Variants in PRR16 observed in about 807,000 individuals in gnomAD.
PRR16 encodes proline rich 16, also known as protein Largen.
In PRR16, 6 loss-of-function variants were observed where a neutral mutation model predicts 18.2. The observed-to-expected ratio is 0.33, with a 90% CI of 0.18 to 0.65. PRR16 has a LOEUF of 0.65. Among genes scored for constraint, PRR16 ranks in the 30% least tolerant of loss-of-function variants. The pLI is 0.74. For synonymous variants in PRR16, 151 were observed against 147.8 expected (o/e 1.02, Z -0.16); for missense variants, 412 against 376.6 (o/e 1.09, Z -0.78).
intron 1 of PRR16, among the ~76,000 whole-genome samples, chr5:120,640,881 T>A (rs1755399617): frequency 6.6e-6 from 1 of 152,184 alleles, no homozygotes; most frequent in Admixed American, 6.5e-5. Flanking sequence ...CAGTTTTCAC[T>A]TTGCCATTCT....
the PRR16 span, among the ~76,000 whole-genome samples, chr5:120,705,646 A>G: frequency 6.6e-6 from 1 of 152,216 alleles, no homozygotes; most frequent in East Asian, 1.9e-4. Flanking sequence ...AATAAAAGTC[A>G]TTTTCTGACA....
chr5:120,564,988 G>GAAAA (rs34900155), intron 1 of PRR16, among the ~76,000 whole-genome samples: 1 of 91,890 alleles, frequency 1.1e-5, no homozygotes, highest in African/African-American at 4.0e-5. Context: ...TCTGTTTCCA[G>GAAAA]AAAAAAAAAA....
intron 1 of PRR16, among the ~76,000 whole-genome samples, chr5:120,496,734 T>G (rs1393154228): frequency 6.6e-6 from 1 of 152,006 alleles, no homozygotes; most frequent in Non-Finnish European, 1.5e-5. Flanking sequence ...TATTGCTAAC[T>G]TCCTTCTGCT....
At chr5:120,514,932 G>C (rs1750939966) in intron 1 of PRR16, among the ~76,000 whole-genome samples, 1 of 151,980 alleles carries the variant, frequency 6.6e-6, no homozygotes, top group South Asian at 2.1e-4. Flanking sequence ...TTCCAAATCT[G>C]CTTCCACACT....
chr5:120,699,907 G>A, the PRR16 span, among the ~76,000 whole-genome samples: 1 of 152,194 alleles, frequency 6.6e-6, no homozygotes, highest in South Asian at 2.1e-4. Flanking sequence ...TAACAGATGA[G>A]GAAGAAACTT....
At chr5:120,672,452 A>C (rs1352942453) in intron 1 of PRR16, among the ~76,000 whole-genome samples, 1 of 151,354 alleles carries the variant, frequency 6.6e-6, no homozygotes, top group Non-Finnish European at 1.5e-5. Context: ...TCCTGGGAGT[A>C]TTGTAGCTTT....
chr5:120,665,066 C>G (rs1310478131), intron 1 of PRR16, among the ~76,000 whole-genome samples: 1 of 144,292 alleles, frequency 6.9e-6, no homozygotes, highest in Admixed American at 7.0e-5. Flanking sequence ...AGTTTACAGT[C>G]CCACCAACAG....
intron 1 of PRR16, among the ~76,000 whole-genome samples, chr5:120,604,244 G>A (rs1359447059): frequency 6.6e-6 from 1 of 152,022 alleles, no homozygotes; most frequent in Non-Finnish European, 1.5e-5. Flanking sequence ...CCTGTGGTGG[G>A]AGCATATATT....
At chr5:120,733,700 G>C in the PRR16 span, among the ~76,000 whole-genome samples, 12 of 152,110 alleles carry the variant, frequency 7.9e-5, no homozygotes, top group Non-Finnish European at 1.6e-4. Flanking sequence ...AATTAATACA[G>C]AACCTTTAGA....
chr5:120,539,436 T>C (rs1351248097), intron 1 of PRR16, among the ~76,000 whole-genome samples: 1 of 152,126 alleles, frequency 6.6e-6, no homozygotes, highest in Non-Finnish European at 1.5e-5. Context: ...CTGAAATTTA[T>C]TTAAATTACT....
Position 120,617,797 on chromosome 5 carries a change from A to C in PRR16, c.160-68157A>C, listed in dbSNP as rs573956325. Among the ~76,000 whole-genome samples the C allele has an allele frequency of 7.9e-5, 12 of 152,296 alleles. No individual in the cohort carries two copies. In the South Asian group the frequency reaches 2.5e-3, roughly 32 times the overall value. ...TTCATGACATCAGAAGCATATTCAT[A>C]ACATAATCTTGGTTATGCCATATGT... On this transcript the variant is annotated intron_variant, in intron 1 of 1. Coordinates refer to ENST00000407149, the MANE Select transcript of PRR16 (RefSeq NM_001300783.2).
At chr5:120,598,655 C>T (rs59364310) in intron 1 of PRR16, among the ~76,000 whole-genome samples, 7,731 of 151,754 alleles carry the variant, frequency 0.051, 493 homozygotes, top group African/African-American at 0.15. Context: ...GTTTAATTCC[C>T]GTTTATAAGG....
At chr5:120,769,816 A>T in the PRR16 span, among the ~76,000 whole-genome samples, 2 of 151,922 alleles carry the variant, frequency 1.3e-5, no homozygotes, top group Non-Finnish European at 2.9e-5. Context: ...ACCAATTTAC[A>T]TTCCTGCCAA....
intron 1 of PRR16, among the ~76,000 whole-genome samples, chr5:120,677,818 T>C (rs185328951): frequency 1.5e-4 from 23 of 152,094 alleles, no homozygotes; most frequent in Non-Finnish European, 3.1e-4. Flanking sequence ...CACTTAGTGC[T>C]ATATGGAAAT....
intron 1 of PRR16, among the ~76,000 whole-genome samples, chr5:120,474,605 AAAC>A (rs66514259): frequency 0.23 from 33,943 of 149,158 alleles, 4,153 homozygotes; most frequent in African/African-American, 0.32. Context: ...TTTAAAAAAA[AAAC>A]CCATTATCTG....
the PRR16 span, among the ~76,000 whole-genome samples, chr5:120,768,597 T>C: frequency 6.6e-6 from 1 of 151,742 alleles, no homozygotes; most frequent in Non-Finnish European, 1.5e-5. Context: ...TTACTCATCG[T>C]ATTCACCTGA....
intron 1 of PRR16, among the ~76,000 whole-genome samples, chr5:120,634,720 A>G (rs1378718093): frequency 6.6e-6 from 1 of 152,160 alleles, no homozygotes; most frequent in African/African-American, 2.4e-5. Flanking sequence ...AACAAGAACA[A>G]TCCAAACCCA....
intron 1 of PRR16, among the ~76,000 whole-genome samples, chr5:120,511,373 A>G (rs762973448): frequency 7.5e-4 from 114 of 152,032 alleles, no homozygotes; most frequent in Admixed American, 2.2e-3. Context: ...ATTTTTCCAA[A>G]CTTTCATTGC....
intron 1 of PRR16, among the ~76,000 whole-genome samples, chr5:120,639,186 G>A (rs772304683): frequency 1.3e-5 from 2 of 151,902 alleles, no homozygotes; most frequent in South Asian, 4.1e-4. Context: ...TCAGATATTT[G>A]ATGCTTATTT....
Sources: gnomAD v4.1 joint callset for allele counts (sites outside exome capture counted in the v4.1 genomes callset) on GRCh38, gnomAD v4.1.1 for gene constraint, MANE v1.5 for transcripts, NCBI Gene and HGNC (gene_info 2026-07-23, HGNC 2026-07-21) for gene names.